Variants in RBFOX1 observed in about 807,000 individuals in gnomAD.
RBFOX1 encodes the protein RNA binding fox-1 homolog 1, also known as RNA binding protein fox-1 homolog 1.
A neutral mutation model predicts 57.7 loss-of-function variants in RBFOX1; 8 were observed. That is an observed-to-expected ratio of 0.14 (90% CI 0.08 to 0.25). The LOEUF (loss-of-function observed/expected upper bound fraction) is 0.25, where lower values mean the gene tolerates loss of function less well. RBFOX1 is among the 10% of genes least tolerant of loss of function. The probability of loss-of-function intolerance (pLI) is 1.00; values close to 1 mark genes in which losing one functional copy is unlikely to be tolerated. For missense variants in RBFOX1, 611 were observed against 548.5 expected (o/e 1.11, Z -1.14); for synonymous variants, 326 against 222.4 (o/e 1.47, Z -4.15).
intron 1 of RBFOX1, among the ~76,000 whole-genome samples, chr16:6,068,331 C>G (rs1335554301): frequency 2.0e-5 from 3 of 152,176 alleles, no homozygotes; most frequent in South Asian, 4.1e-4. Flanking sequence ...TAACAACTGT[C>G]TCAGTGCTGA....
chr16:6,813,160 C>G (rs913214915), intron 3 of RBFOX1, among the ~76,000 whole-genome samples: 2 of 151,108 alleles, frequency 1.3e-5, no homozygotes, highest in South Asian at 2.1e-4. Flanking sequence ...GGTTAAATAT[C>G]AGGCCACAAT....
chr16:6,903,228 A>T (rs769769393), intron 3 of RBFOX1, among the ~76,000 whole-genome samples: 1 of 152,184 alleles, frequency 6.6e-6, no homozygotes, highest in Non-Finnish European at 1.5e-5. Context: ...GCAGCATTGC[A>T]CAAGCTATTT....
chr16:6,341,645 AT>A (rs377152370), intron 2 of RBFOX1, among the ~76,000 whole-genome samples: 33 of 149,076 alleles, frequency 2.2e-4, no homozygotes, highest in East Asian at 7.8e-4. Flanking sequence ...ACATCTTCCC[AT>A]TTTTTTTTTG....
chr16:5,742,714 G>T lies in RBFOX1; in HGVS notation c.319-124589G>T, dbSNP rs145970420. 4.7e-4 allele frequency among the ~76,000 whole-genome samples: 72 copies of T among 152,336 alleles called. No homozygotes were observed. In the East Asian group the frequency reaches 0.01, roughly 21 times the overall value. ...GAATGGGTATCATATATGACTTAAAGAAAGCGAAGTGAGTGAGGACCTTGT... is the reference window on the plus strand; with the variant it reads ...GAATGGGTATCATATATGACTTAAATAAAGCGAAGTGAGTGAGGACCTTGT... On this transcript the variant is annotated intron_variant, in intron 3 of 19. Transcript: ENST00000641259.
chr16:5,834,760 TA>T, intron 3 of RBFOX1, among the ~76,000 whole-genome samples: 1 of 150,070 alleles, frequency 6.7e-6, no homozygotes, highest in African/African-American at 2.5e-5. Context: ...CATACATACA[TA>T]CATACATGCA....
chr16:7,233,670 G>A (rs1368475307), intron 4 of RBFOX1, among the ~76,000 whole-genome samples: 3 of 152,140 alleles, frequency 2.0e-5, no homozygotes, highest in African/African-American at 4.8e-5. Context: ...CAAGAAATGC[G>A]ACCTTAGCAA....
chr16:5,369,630 G>A (rs1334657046), intron 1 of RBFOX1, among the ~76,000 whole-genome samples: 1 of 152,192 alleles, frequency 6.6e-6, no homozygotes, highest in Non-Finnish European at 1.5e-5. Flanking sequence ...CCTCTGCTAT[G>A]CTGGGCAAAC....
intron 3 of RBFOX1, among the ~76,000 whole-genome samples, chr16:5,827,080 C>T (rs1261812352): frequency 1.3e-5 from 2 of 152,258 alleles, no homozygotes; most frequent in South Asian, 2.1e-4. Context: ...GTCTTTTTCT[C>T]TTTCACACAT....
intron 1 of RBFOX1, among the ~76,000 whole-genome samples, chr16:5,314,398 G>C (rs4786667): frequency 1 from 151,997 of 152,398 alleles, 75,802 homozygotes; most frequent in Non-Finnish European, 1. Context: ...AACAGCCTCT[G>C]TCCTTCTCTT....
chr16:5,330,973 C>A (rs1956795965), intron 1 of RBFOX1, among the ~76,000 whole-genome samples: 2 of 67,114 alleles, frequency 3.0e-5, no homozygotes, highest in African/African-American at 6.4e-5. Context: ...AATACCCAGG[C>A]TCTCTGGTGG....
At chr16:6,476,895 T>C (rs1231255622) in intron 2 of RBFOX1, among the ~76,000 whole-genome samples, 3 of 152,264 alleles carry the variant, frequency 2.0e-5, no homozygotes, top group African/African-American at 2.4e-5. Flanking sequence ...CTACATTCTT[T>C]GTTGTCATTG....
intron 1 of RBFOX1, among the ~76,000 whole-genome samples, chr16:6,120,166 A>T (rs181635389): frequency 6.9e-4 from 105 of 152,286 alleles, no homozygotes; most frequent in Admixed American, 1.6e-3. Context: ...TGGATAGACT[A>T]TGTATTTATC....
chr16:7,369,388 C>G (rs2097527522), intron 4 of RBFOX1, among the ~76,000 whole-genome samples: 1 of 152,116 alleles, frequency 6.6e-6, no homozygotes, highest in Non-Finnish European at 1.5e-5. Context: ...GTCCCGCAGA[C>G]TCTCCCTCAA....
chr16:5,795,647 C>G (rs1487332996), intron 3 of RBFOX1, among the ~76,000 whole-genome samples: 1 of 152,162 alleles, frequency 6.6e-6, no homozygotes, highest in African/African-American at 2.4e-5. Flanking sequence ...TTACCCCTGA[C>G]CACTCTTCTT....
chr16:5,477,443 G>A (rs1421843123), intron 2 of RBFOX1, among the ~76,000 whole-genome samples: 6 of 152,188 alleles, frequency 3.9e-5, no homozygotes, highest in African/African-American at 1.4e-4. Context: ...CCCTCCTGGG[G>A]ACAGGCTGCC....
intron 2 of RBFOX1, among the ~76,000 whole-genome samples, chr16:6,435,679 T>C (rs993564512): frequency 6.6e-6 from 1 of 152,210 alleles, no homozygotes; most frequent in Non-Finnish European, 1.5e-5. Flanking sequence ...CCAAGTGGTT[T>C]GCCTTCTCTT....
intron 1 of RBFOX1, among the ~76,000 whole-genome samples, chr16:6,213,548 T>C (rs1465867114): frequency 1.3e-5 from 2 of 152,242 alleles, no homozygotes; most frequent in Non-Finnish European, 2.9e-5. Context: ...CCTTCTGCTA[T>C]GCTGCTGATC....
At chr16:6,335,432 C>G (rs1192629047) in intron 2 of RBFOX1, among the ~76,000 whole-genome samples, 1 of 152,104 alleles carries the variant, frequency 6.6e-6, no homozygotes, top group Non-Finnish European at 1.5e-5. Context: ...TACCTAAAGA[C>G]AGTGGCATTT....
At chr16:6,427,211 C>G (rs113671348) in intron 2 of RBFOX1, among the ~76,000 whole-genome samples, 5 of 152,260 alleles carry the variant, frequency 3.3e-5, no homozygotes, top group African/African-American at 7.2e-5. Context: ...ATAATGTGCC[C>G]TCTGCTGATG....
Sources: gnomAD v4.1 joint callset for allele counts (sites outside exome capture counted in the v4.1 genomes callset) on GRCh38, gnomAD v4.1.1 for gene constraint, MANE v1.5 for transcripts, NCBI Gene and HGNC (gene_info 2026-07-23, HGNC 2026-07-21) for gene names.